The following CTNNA3 variants were observed in gnomAD, a reference collection of about 807,000 sequenced individuals.
CTNNA3 encodes the protein catenin alpha 3, also known as catenin alpha-3.
Under a neutral mutation model 95.7 loss-of-function variants are expected in CTNNA3, and 76 were observed. The observed-to-expected ratio is 0.79, with a 90% confidence interval of 0.66 to 0.96. The LOEUF (loss-of-function observed/expected upper bound fraction) is 0.96, where lower values mean the gene tolerates loss of function less well. Among genes scored for constraint, CTNNA3 ranks in the 40% least tolerant of loss-of-function variants. The pLI is 0.00. For missense variants in CTNNA3, 1,191 were observed against 1,089.8 expected (o/e 1.09, Z -1.31); for synonymous variants, 431 against 374.4 (o/e 1.15, Z -1.74).
intron 5 of CTNNA3, among the ~76,000 whole-genome samples, chr10:67,416,662 C>A (rs1180623312): frequency 1.3e-5 from 2 of 148,436 alleles, no homozygotes; most frequent in African/African-American, 5.0e-5. Flanking sequence ...ACAGACACTT[C>A]TCAAAAGAAG....
chr10:66,857,946 GT>G lies in CTNNA3; in HGVS notation c.1048-82423del, dbSNP rs1843745259. Reference sequence around the variant, plus strand: ...GCTAGAACTTTCAGTACTATGTTGAGTATGAGTGGTGAGACAGGGCATCCTT... The same window carrying G: ...GCTAGAACTTTCAGTACTATGTTGAGATGAGTGGTGAGACAGGGCATCCTT... On this transcript the variant is annotated intron_variant, in intron 7 of 17. Transcript: ENST00000433211. Among the ~76,000 whole-genome samples, 6 of 151,956 alleles carry G rather than the reference GT, an allele frequency of 3.9e-5. No individual in the cohort carries two copies. In the South Asian group the frequency reaches 1.2e-3, roughly 31 times the overall value.
chr10:66,533,133 T>G (rs1841528749), intron 10 of CTNNA3, among the ~76,000 whole-genome samples: 1 of 152,182 alleles, frequency 6.6e-6, no homozygotes, highest in Admixed American at 6.5e-5. Flanking sequence ...GTACTTAATT[T>G]AGCCTAAGGC....
intron 7 of CTNNA3, among the ~76,000 whole-genome samples, chr10:67,160,360 C>T (rs144807945): frequency 1.6e-3 from 244 of 151,720 alleles, no homozygotes; most frequent in African/African-American, 5.7e-3. Flanking sequence ...CCAGCAATCC[C>T]GCATTTGGGT....
At chr10:67,718,356 G>C (rs1254407110) in intron 1 of CTNNA3, among the ~76,000 whole-genome samples, 1 of 152,074 alleles carries the variant, frequency 6.6e-6, no homozygotes, top group Non-Finnish European at 1.5e-5. Flanking sequence ...ACTATGTTGA[G>C]TAGTGGTGAG....
At chr10:67,559,736 T>C (rs1030704965) in intron 3 of CTNNA3, among the ~76,000 whole-genome samples, 5 of 152,124 alleles carry the variant, frequency 3.3e-5, no homozygotes, top group Admixed American at 1.3e-4. Flanking sequence ...TTAAAAACTT[T>C]GAAAAAAATA....
At chr10:66,955,725 T>G (rs562654020) in intron 7 of CTNNA3, among the ~76,000 whole-genome samples, 1 of 152,278 alleles carries the variant, frequency 6.6e-6, no homozygotes, top group Non-Finnish European at 1.5e-5. Flanking sequence ...GCCTCCATTG[T>G]TCTTCCTCTT....
chr10:66,927,620 A>C lies in CTNNA3; in HGVS notation c.1048-152096T>G, dbSNP rs765540668. The C allele has an allele frequency of 1.2e-6, 2 of 1,614,124 alleles. No homozygotes were observed. Among genetic ancestry groups the C allele is most frequent in the South Asian group, 1.1e-5 (1 of 91,084 alleles). ...AGGTTGGTCAGCCTTCAGAACCTTT[A>C]CTTGCAGTGGAATAAAATCAGTGTC... On this transcript the variant is annotated intron_variant, in intron 7 of 17. Transcript: ENST00000433211. This position sits in a 1 kb window ranked among gnomAD's most constrained non-coding sequence, Gnocchi z 4.7.
In CTNNA3 at chr10:66,029,248, A is replaced by G. The variant is rs533290913; in HGVS notation, c.2159+40060T>C. Among the ~76,000 whole-genome samples, 4 of 152,288 alleles carry G rather than the reference A, an allele frequency of 2.6e-5. No homozygotes were observed. In the East Asian group the frequency reaches 7.7e-4, roughly 29 times the overall value. On this transcript the variant is annotated intron_variant, in intron 15 of 17. Transcript: ENST00000433211. ...GGAGTAACCCTTTAAAAAATGTAATACAGAGCAGTAAACATCTTTGCTCAA... is the reference window on the plus strand; with the variant it reads ...GGAGTAACCCTTTAAAAAATGTAATGCAGAGCAGTAAACATCTTTGCTCAA...
intron 13 of CTNNA3, among the ~76,000 whole-genome samples, chr10:66,132,964 T>C (rs973697915): frequency 3.3e-5 from 5 of 152,084 alleles, no homozygotes; most frequent in Non-Finnish European, 2.9e-5. Context: ...TCTTAGTACC[T>C]GGGTGATGAA....
At chr10:67,585,066 C>T (rs1027572738) in intron 3 of CTNNA3, among the ~76,000 whole-genome samples, 1 of 152,212 alleles carries the variant, frequency 6.6e-6, no homozygotes, top group Non-Finnish European at 1.5e-5. Context: ...TGGGCTGCAC[C>T]CACTGTCCAA....
chr10:67,079,575 C>T (rs554771722), intron 7 of CTNNA3, among the ~76,000 whole-genome samples: 10 of 152,036 alleles, frequency 6.6e-5, no homozygotes, highest in African/African-American at 2.2e-4. Context: ...CACAGCCCAG[C>T]GCGGTGGCTC....
intron 15 of CTNNA3, among the ~76,000 whole-genome samples, chr10:66,050,590 TC>T (rs368365131): frequency 2.0e-5 from 3 of 152,242 alleles, no homozygotes; most frequent in African/African-American, 7.2e-5. Flanking sequence ...GGCCACTATG[TC>T]CGGCTCCTTA....
intron 1 of CTNNA3, among the ~76,000 whole-genome samples, chr10:67,662,850 GTA>G (rs1175027714): frequency 6.6e-6 from 1 of 151,898 alleles, no homozygotes; most frequent in Non-Finnish European, 1.5e-5. Context: ...ATTTAATATG[GTA>G]TATATAAGTT....
intron 15 of CTNNA3, among the ~76,000 whole-genome samples, chr10:66,005,894 C>T (rs1050840692): frequency 1.3e-5 from 2 of 150,944 alleles, no homozygotes; most frequent in African/African-American, 4.9e-5. Context: ...TTAGGGATGA[C>T]ATTATAGTTA....
chr10:67,117,715 T>C (rs1268820554), intron 7 of CTNNA3, among the ~76,000 whole-genome samples: 1 of 152,038 alleles, frequency 6.6e-6, no homozygotes, highest in Non-Finnish European at 1.5e-5. Flanking sequence ...AGGTAAAGTT[T>C]TATTATTAAT....
At chr10:66,906,476 G>A (rs1404150850) in intron 7 of CTNNA3, among the ~76,000 whole-genome samples, 5 of 152,112 alleles carry the variant, frequency 3.3e-5, no homozygotes, top group Non-Finnish European at 7.4e-5. Context: ...GAAAATAGAA[G>A]AGAAAGTCTA....
chr10:67,444,448 A>C (rs1399920158), intron 5 of CTNNA3, among the ~76,000 whole-genome samples: 1 of 152,110 alleles, frequency 6.6e-6, no homozygotes, highest in Non-Finnish European at 1.5e-5. Context: ...AAAAGAAGAA[A>C]AACTTCAAAT....
chr10:66,737,664 C>CT lies in CTNNA3; in HGVS notation c.1281+28599dup, dbSNP rs200878512. Among the ~76,000 whole-genome samples, 629 of 144,636 alleles carry CT rather than the reference C, an allele frequency of 4.3e-3. 5 individuals are homozygous for CT. Among genetic ancestry groups the CT allele is most frequent in the African/African-American group, 0.011 (431 of 39,548 alleles). The allele number at this position is 144,636 out of a possible 152,430, so 94.9% of individuals were successfully genotyped here. On this transcript the variant is annotated intron_variant, in intron 9 of 17. Transcript: ENST00000433211. ...CTTTGAATCTAACTTAAAAGTTGTACTTTTTTTTTTTTTTGAGATGGAGTC... is the reference window on the plus strand; with the variant it reads ...CTTTGAATCTAACTTAAAAGTTGTACTTTTTTTTTTTTTTTGAGATGGAGTC...
At chr10:66,174,943 G>A (rs768011916) in intron 13 of CTNNA3, among the ~76,000 whole-genome samples, 4 of 152,102 alleles carry the variant, frequency 2.6e-5, no homozygotes, top group South Asian at 2.1e-4. Flanking sequence ...ACACACACAA[G>A]CAGTAGTAAT....
Sources: gnomAD v4.1 joint callset for allele counts (sites outside exome capture counted in the v4.1 genomes callset) on GRCh38, gnomAD v4.1.1 for gene constraint, Gnocchi (gnomAD v3.1) non-coding constraint, MANE v1.5 for transcripts, NCBI Gene and HGNC (gene_info 2026-07-23, HGNC 2026-07-21) for gene names.